The following DNM2 variants were observed in gnomAD, a reference collection of about 807,000 sequenced individuals.
The protein encoded by DNM2 is dynamin-2.
DNM2 carries 15 observed loss-of-function variants against 99.0 expected under a neutral mutation model. The observed-to-expected ratio is 0.15, with a 90% CI of 0.10 to 0.23. DNM2 has a LOEUF of 0.23. Ranked by LOEUF, DNM2 falls within the 10% of genes least tolerant of loss-of-function variation. The pLI, the probability that DNM2 is intolerant of heterozygous loss-of-function variation, is 1.00. For missense variants in DNM2, 742 were observed against 1,189.4 expected (o/e 0.62, Z 5.53); for synonymous variants, 525 against 481.2 (o/e 1.09, Z -1.19).
chr19:10,794,787 C>G (rs112439073), intron 8 of DNM2, among the ~76,000 whole-genome samples: 1 of 152,020 alleles, frequency 6.6e-6, no homozygotes, highest in African/African-American at 2.4e-5. Flanking sequence ...AAAGAAAAAG[C>G]TGGGTGTGGT....
At chr19:10,729,867 ATT>A (rs766188774) in intron 1 of DNM2, among the ~76,000 whole-genome samples, 16 of 140,638 alleles carry the variant, frequency 1.1e-4, no homozygotes, top group Admixed American at 1.4e-4. Context: ...ATGGGTGGTT[ATT>A]TTTTTTTTTT....
In DNM2 at chr19:10,775,492, C is replaced by G. The variant is rs1011291269; in HGVS notation, c.386-211C>G. 1.3e-5 allele frequency among the ~76,000 whole-genome samples: 2 copies of G among 152,118 alleles called. No individual in the cohort carries two copies. Among genetic ancestry groups the G allele is most frequent in the Non-Finnish European group, 2.9e-5 (2 of 68,020 alleles). On this transcript the variant is annotated intron_variant, in intron 3 of 20. Coordinates refer to ENST00000389253, the MANE Select transcript of DNM2 (RefSeq NM_001005361.3). The surrounding 1 kb of genome is among the most constrained non-coding windows in gnomAD (Gnocchi z 4.3). Reference sequence around the variant, plus strand: ...GAACTGTCCTGATTTAGAACTGTGCCATTGAAATGGAGTAGGTAGAAGGTA... The same window carrying G: ...GAACTGTCCTGATTTAGAACTGTGCGATTGAAATGGAGTAGGTAGAAGGTA...
Position 10,812,791 on chromosome 19 carries a change from TAAAC to T in DNM2, c.1671+430_1671+433del, listed in dbSNP as rs567315494. ...GAGAGAGCGAGACTCCATCTCAAAA[TAAAC>T]AAACAAACAAACAAAAAACAACCGT... On this transcript the variant is annotated intron_variant, in intron 15 of 20. Coordinates refer to ENST00000389253, the MANE Select transcript of DNM2 (RefSeq NM_001005361.3). This position sits in a 1 kb window ranked among gnomAD's most constrained non-coding sequence, Gnocchi z 4.0. 2.9e-3 allele frequency among the ~76,000 whole-genome samples: 438 copies of T among 151,956 alleles called. 2 individuals are homozygous for T. The highest frequency in any genetic ancestry group is 6.2e-3 in the Admixed American group (95 of 15,260).
At chr19:10,739,038 G>T (rs1236853810) in intron 1 of DNM2, among the ~76,000 whole-genome samples, 1 of 151,922 alleles carries the variant, frequency 6.6e-6, no homozygotes, top group African/African-American at 2.4e-5. Flanking sequence ...CGTGGTAGCG[G>T]GCGCCTGTAC....
chr19:10,795,838 C>G lies in DNM2; in HGVS notation c.1196+399C>G. ...CCTCGTGAGCCTCTTGGGTCCCCTCCTTATTCTAACAAAGGTAGTTGCTCC... is the reference window on the plus strand; with the variant it reads ...CCTCGTGAGCCTCTTGGGTCCCCTCGTTATTCTAACAAAGGTAGTTGCTCC... On this transcript the variant is annotated intron_variant, in intron 9 of 20. Transcript: ENST00000389253. This position sits in a 1 kb window ranked among gnomAD's most constrained non-coding sequence, Gnocchi z 4.2. 2 of 675,098 alleles carry G rather than the reference C, an allele frequency of 3.0e-6. No homozygotes were observed. Among genetic ancestry groups the G allele is most frequent in the South Asian group, 3.5e-5 (2 of 57,268 alleles). The allele number at this position is 675,098 out of a possible 1,614,324, so 41.8% of individuals were successfully genotyped here.
chr19:10,802,397 A>G (rs758299976), intron 12 of DNM2, 39 bp downstream of exon 12: 22 of 1,603,312 alleles, frequency 1.4e-5, no homozygotes, highest in South Asian at 7.7e-5. Flanking sequence ...GGCGGCACCA[A>G]TCCTCACTCT....
rs62131823 is a variant in DNM2 at position 10,804,033 on chromosome 19, G to A, written c.1493+1675G>A. On this transcript the variant is annotated intron_variant, in intron 12 of 20. Transcript: ENST00000389253. ...GGGGGACCCAGAGAATTGGACCCAG[G>A]GAAGGAAGGCTACCAGACCAGGCAG... Among the ~76,000 whole-genome samples, 183 of 152,246 alleles carry A rather than the reference G, an allele frequency of 1.2e-3. 1 individual carries two copies. The highest frequency in any genetic ancestry group is 2.1e-3 in the Non-Finnish European group (145 of 67,990).
At chr19:10,790,166 C>T (rs574045262) in intron 7 of DNM2, among the ~76,000 whole-genome samples, 2 of 152,326 alleles carry the variant, frequency 1.3e-5, no homozygotes, top group South Asian at 2.1e-4. Flanking sequence ...ATAGACTTCC[C>T]CCAGCCTGAA....
intron 1 of DNM2, among the ~76,000 whole-genome samples, chr19:10,753,724 T>C (rs182660795): frequency 6.6e-6 from 1 of 151,580 alleles, no homozygotes; most frequent in East Asian, 1.9e-4. Flanking sequence ...TGGCGCGATC[T>C]CAGCTCATTC....
At chr19:10,800,325 G>C (rs1047431880) in intron 11 of DNM2, among the ~76,000 whole-genome samples, 31 of 152,176 alleles carry the variant, frequency 2.0e-4, no homozygotes, top group African/African-American at 7.5e-4. Context: ...GCAGGGAGGC[G>C]CCCAGTTTTG....
chr19:10,825,840 C>G (rs1005527226), intron 18 of DNM2, among the ~76,000 whole-genome samples: 11 of 130,736 alleles, frequency 8.4e-5, no homozygotes, highest in Admixed American at 2.6e-4. Flanking sequence ...GTTGACAGAG[C>G]GAGACTCCAT....
At chr19:10,728,849 A>T (rs992588168) in intron 1 of DNM2, among the ~76,000 whole-genome samples, 2 of 151,652 alleles carry the variant, frequency 1.3e-5, no homozygotes, top group Non-Finnish European at 2.9e-5. Context: ...TAGCAGGCTA[A>T]GGTGGGAGGA....
intron 1 of DNM2, among the ~76,000 whole-genome samples, chr19:10,746,727 G>GTTTTTTTTTTTTTTTTT (rs757494612): frequency 1.7e-5 from 2 of 116,210 alleles, no homozygotes; most frequent in African/African-American, 3.5e-5. Flanking sequence ...CTTTTTTTTT[G>GTTTTTTTTTTTTTTTTT]TTTTTTGTTT....
At position 10,796,618 on chromosome 19, in the gene DNM2, G is replaced by C. The variant is rs563769678; in HGVS notation, c.1197-762G>C. ...ATGCCCGGCATTCTCAGACTTCCCT[G>C]GAGCCACCGACTTCTCTGTCCCTCA... On this transcript the variant is annotated intron_variant, in intron 9 of 20. Coordinates refer to ENST00000389253, the MANE Select transcript of DNM2 (RefSeq NM_001005361.3). This position sits in a 1 kb window ranked among gnomAD's most constrained non-coding sequence, Gnocchi z 5.6. Among the ~76,000 whole-genome samples the C allele has an allele frequency of 1.3e-5, 2 of 152,238 alleles. No individual in the cohort carries two copies. Among genetic ancestry groups the C allele is most frequent in the Non-Finnish European group, 2.9e-5 (2 of 67,988 alleles).
At chr19:10,766,452 G>A (rs2145885359) in intron 2 of DNM2, among the ~76,000 whole-genome samples, 1 of 152,282 alleles carries the variant, frequency 6.6e-6, no homozygotes, top group East Asian at 1.9e-4. Flanking sequence ...GCTTGCACCT[G>A]TGGCTCCCTT....
At chr19:10,759,953 T>A (rs2070561453) in intron 2 of DNM2, 142 bp downstream of exon 2, 1 of 1,202,708 alleles carries the variant, frequency 8.3e-7, no homozygotes, top group Non-Finnish European at 1.2e-6. Flanking sequence ...GTGAGGAAAT[T>A]GAAAAACGGC....
intron 1 of DNM2, among the ~76,000 whole-genome samples, chr19:10,727,188 G>T (rs1294811154): frequency 1.3e-5 from 2 of 152,138 alleles, no homozygotes; most frequent in African/African-American, 4.8e-5. Flanking sequence ...CTCCAAAGCT[G>T]CGCTCTAGGC....
At chr19:10,768,010 C>G (rs1208597997) in intron 2 of DNM2, among the ~76,000 whole-genome samples, 1 of 152,180 alleles carries the variant, frequency 6.6e-6, no homozygotes. Context: ...CAGACCTGGT[C>G]GGTGCCTGGG....
At chr19:10,802,827 T>C (rs1277963347) in intron 12 of DNM2, among the ~76,000 whole-genome samples, 1 of 152,186 alleles carries the variant, frequency 6.6e-6, no homozygotes, top group Non-Finnish European at 1.5e-5. Flanking sequence ...AACCAGAACC[T>C]TCCGTGGCAC....
Sources: gnomAD v4.1 joint callset for allele counts (sites outside exome capture counted in the v4.1 genomes callset) on GRCh38, gnomAD v4.1.1 for gene constraint, Gnocchi (gnomAD v3.1) non-coding constraint, MANE v1.5 for transcripts, NCBI Gene and HGNC (gene_info 2026-07-23, HGNC 2026-07-21) for gene names.